Variants in PCDHA7 observed in about 807,000 individuals in gnomAD.
The protein encoded by PCDHA7 is protocadherin alpha 7.
Under a neutral mutation model 57.2 loss-of-function variants are expected in PCDHA7, and 37 were observed. The observed-to-expected ratio is 0.65, with a 90% CI of 0.50 to 0.85. The LOEUF (loss-of-function observed/expected upper bound fraction) is 0.85, where lower values mean the gene tolerates loss of function less well. PCDHA7 is among the 40% of genes least tolerant of loss of function. PCDHA7 has a pLI of 0.00. For missense variants in PCDHA7, 1,188 were observed against 1,241.8 expected, an observed-to-expected ratio of 0.96 and a Z score of 0.65; for synonymous variants, 553 against 558.8, an observed-to-expected ratio of 0.99 and a Z score of 0.15.
intron 1 of PCDHA7, chr5:140,869,297 G>A (rs781788461): frequency 1.2e-6 from 2 of 1,613,576 alleles, no homozygotes; most frequent in East Asian, 2.2e-5. Flanking sequence ...CGCCTGTTCC[G>A]GGTGGCGTCC....
At chr5:140,969,388 A>C in intron 1 of PCDHA7, 2 of 1,595,066 alleles carry the variant, frequency 1.3e-6, no homozygotes, top group Non-Finnish European at 1.7e-6. Context: ...CACATCCCCC[A>C]ATATCCTGTG....
chr5:140,920,570 G>A (rs2153557888), intron 1 of PCDHA7, among the ~76,000 whole-genome samples: 1 of 152,186 alleles, frequency 6.6e-6, no homozygotes, highest in Non-Finnish European at 1.5e-5. Flanking sequence ...CTTAGGCCAG[G>A]AGCAGTGGCT....
chr5:140,980,877 C>T (rs1321284538), intron 2 of PCDHA7, among the ~76,000 whole-genome samples: 9 of 152,186 alleles, frequency 5.9e-5, no homozygotes, highest in African/African-American at 1.7e-4. Flanking sequence ...TGGGTGTTCT[C>T]GGTCTTTCCA....
At chr5:140,913,092 C>T (rs1293188459) in intron 1 of PCDHA7, among the ~76,000 whole-genome samples, 1 of 152,134 alleles carries the variant, frequency 6.6e-6, no homozygotes, top group Non-Finnish European at 1.5e-5. Flanking sequence ...CAGGATAATA[C>T]TGGCCTCATA....
chr5:140,837,856 T>A (rs1212589641), intron 1 of PCDHA7, among the ~76,000 whole-genome samples: 1 of 151,590 alleles, frequency 6.6e-6, no homozygotes, highest in African/African-American at 2.4e-5. Context: ...TTTATTTTAT[T>A]TTTGTAGAGA....
chr5:140,956,701 G>T (rs549659732), intron 1 of PCDHA7, among the ~76,000 whole-genome samples: 1 of 152,138 alleles, frequency 6.6e-6, no homozygotes, highest in Non-Finnish European at 1.5e-5. Context: ...CCATTGTTTG[G>T]AATAGCTTCA....
intron 1 of PCDHA7, among the ~76,000 whole-genome samples, chr5:140,839,385 TG>T (rs1562376337): frequency 1.3e-5 from 2 of 151,834 alleles, no homozygotes; most frequent in South Asian, 2.1e-4. Context: ...ATTATTATGA[TG>T]ATGATGATGA....
chr5:140,968,058 G>A lies in PCDHA7; in HGVS notation c.2356-10891G>A, dbSNP rs532963970. On this transcript the variant is annotated intron_variant, in intron 1 of 3. Transcript: ENST00000525929. The stretch of plus-strand genomic sequence containing the variant: ...GTGAGCGGCCCACTGGACCGAGAGC[G>A]GGTGGCTGTCTACAACATCACGGTG... The A allele has an allele frequency of 1.1e-5, 18 of 1,614,088 alleles. No individual in the cohort carries two copies. The highest frequency in any genetic ancestry group is 4.0e-5 in the African/African-American group (3 of 75,026).
intron 1 of PCDHA7, among the ~76,000 whole-genome samples, chr5:140,954,197 G>T (rs2153701837): frequency 6.6e-6 from 1 of 152,270 alleles, no homozygotes; most frequent in Non-Finnish European, 1.5e-5. Context: ...ATGGGCATTT[G>T]GGTTGATCCC....
At chr5:140,860,253 G>C (rs1278193259) in intron 1 of PCDHA7, 1 of 151,492 alleles carries the variant, frequency 6.6e-6, no homozygotes, top group Non-Finnish European at 1.5e-5. Flanking sequence ...CATGCCTTTA[G>C]TCCCTACTGT....
intron 1 of PCDHA7, among the ~76,000 whole-genome samples, chr5:140,888,156 A>G (rs556908449): frequency 6.6e-6 from 1 of 152,182 alleles, no homozygotes; most frequent in African/African-American, 2.4e-5. Flanking sequence ...CATGACTGGT[A>G]ATCTCTAATA....
intron 1 of PCDHA7, among the ~76,000 whole-genome samples, chr5:140,941,235 C>CT: frequency 7.4e-6 from 1 of 135,248 alleles, no homozygotes; most frequent in Non-Finnish European, 1.6e-5. Context: ...TTCTTTCTTT[C>CT]TTTCTTTCTT....
intron 1 of PCDHA7, among the ~76,000 whole-genome samples, chr5:140,941,202 C>CTTTCCTT (rs1554213921): frequency 5.7e-5 from 7 of 122,742 alleles, no homozygotes; most frequent in Admixed American, 1.7e-4. Flanking sequence ...TTTCTTTCTT[C>CTTTCCTT]CTTTCTTTCT....
Position 140,835,939 on chromosome 5 carries a change from C to T in PCDHA7, c.1556C>T (p.Ala519Val), listed in dbSNP as rs1352596879. ...SVHAESGKVY[A>V]LQPLDHEELE... is the part of the protein sequence containing the mutation. ...CACGCGGAGAGCGGCAAGGTGTACGCGCTGCAGCCGTTGGACCACGAGGAG... is the reference window on the plus strand; with the variant it reads ...CACGCGGAGAGCGGCAAGGTGTACGTGCTGCAGCCGTTGGACCACGAGGAG... Residue 519 changes from alanine (A) to valine (V), a missense_variant, in exon 1 of 4, where the codon GCG (alanine) becomes GTG (valine). Physicochemically the swap from Ala to Val is moderately conservative, Grantham distance 64 (BLOSUM62 0). Around this residue, in one of 3 missense-constraint regions of PCDHA7, gnomAD observed 892 missense variants for 788.5 expected, o/e 1.13. Coordinates refer to ENST00000525929, the MANE Select transcript of PCDHA7 (RefSeq NM_018910.3). 4 of 1,612,400 alleles carry T rather than the reference C, an allele frequency of 2.5e-6. No homozygotes were observed. The African/African-American group carries it at 5.3e-5, about 22-fold the overall frequency.
At chr5:140,978,405 A>G (rs919688095) in intron 1 of PCDHA7, among the ~76,000 whole-genome samples, 1 of 152,220 alleles carries the variant, frequency 6.6e-6, no homozygotes, top group Non-Finnish European at 1.5e-5. Context: ...TCCCTCTTCA[A>G]TCAGAAAAGA....
intron 1 of PCDHA7, chr5:140,882,209 A>G (rs781846726): frequency 5.2e-6 from 8 of 1,531,724 alleles, no homozygotes; most frequent in Non-Finnish European, 7.0e-6. Context: ...GCCTTGAGAG[A>G]CAGTTTGAGG....
intron 3 of PCDHA7, among the ~76,000 whole-genome samples, chr5:140,987,991 T>C (rs1243117535): frequency 6.6e-6 from 1 of 152,232 alleles, no homozygotes; most frequent in Non-Finnish European, 1.5e-5. Context: ...ACTCCATCTC[T>C]GATCCTTCCC....
intron 1 of PCDHA7, among the ~76,000 whole-genome samples, chr5:140,837,948 G>A (rs1426509555): frequency 6.6e-6 from 1 of 151,422 alleles, no homozygotes; most frequent in Non-Finnish European, 1.5e-5. Context: ...CAAAGTATTG[G>A]GATTACAGAC....
intron 1 of PCDHA7, chr5:140,842,086 A>G: frequency 1.2e-6 from 2 of 1,613,926 alleles, no homozygotes; most frequent in Non-Finnish European, 1.7e-6. Flanking sequence ...TCGAAAACGC[A>G]GACAACGGAA....
Sources: allele counts gnomAD v4.1 joint callset (sites outside exome capture counted in the v4.1 genomes callset), GRCh38; gene constraint gnomAD v4.1.1; regional missense constraint gnomAD v4.1.1; transcripts MANE v1.5; gene names NCBI Gene and HGNC (gene_info 2026-07-23, HGNC 2026-07-21).